MGST1: variants seen among roughly 807,000 people sequenced by gnomAD.
MGST1 encodes glutathione S-transferase 12.
In MGST1, 5 loss-of-function variants were observed where a neutral mutation model predicts 8.9. That is an observed-to-expected ratio of 0.56 (90% CI 0.29 to 1.19). The LOEUF is 1.19. MGST1 is among the 50% of genes most tolerant of loss of function. MGST1 has a pLI of 0.08. For synonymous variants in MGST1, 54 were observed against 67.8 expected (o/e 0.80, Z 1.00); for missense variants, 182 against 187.4 (o/e 0.97, Z 0.17).
chr12:16,540,345 T>C (rs1404874986), intron 4 of MGST1, among the ~76,000 whole-genome samples: 1 of 152,184 alleles, frequency 6.6e-6, no homozygotes, highest in Non-Finnish European at 1.5e-5. Flanking sequence ...TGATCATGGC[T>C]CACTGAAGCC....
chr12:16,395,792 TATATATATATATAC>T (rs1273680708), intron 1 of MGST1, among the ~76,000 whole-genome samples: 1 of 124,586 alleles, frequency 8.0e-6, no homozygotes, highest in African/African-American at 3.3e-5. Flanking sequence ...TATATATATA[TATATATATATATAC>T]ACACACACAC....
At chr12:16,510,373 A>G (rs527817234) in intron 4 of MGST1, among the ~76,000 whole-genome samples, 1 of 152,256 alleles carries the variant, frequency 6.6e-6, no homozygotes, top group East Asian at 1.9e-4. Context: ...TTTTCCTCAC[A>G]AACTTTGCCA....
intron 1 of MGST1, among the ~76,000 whole-genome samples, chr12:16,420,605 A>G (rs959104386): frequency 1.3e-5 from 2 of 152,158 alleles, no homozygotes; most frequent in Admixed American, 6.5e-5. Context: ...AATCACAACA[A>G]AGGCTCCTCA....
intron 1 of MGST1, among the ~76,000 whole-genome samples, chr12:16,351,588 T>G (rs1245430961): frequency 6.6e-6 from 1 of 152,062 alleles, no homozygotes; most frequent in Admixed American, 6.6e-5. Flanking sequence ...GGCGGGTGGA[T>G]CACCTGAGGT....
Position 16,410,026 on chromosome 12 carries a change from T to G in MGST1, n.778+26422T>G, listed in dbSNP as rs1340738365. On this transcript the variant is annotated intron_variant and non_coding_transcript_variant, in intron 1 of 1. Transcript: ENST00000359720. The surrounding 1 kb of genome is among the most constrained non-coding windows in gnomAD (Gnocchi z 4.4). ...TTCTCAGCGCCAAAGTAAATTTTCT[T>G]GTATCCTGGGAAGTGAGTGGGGTAG... Among the ~76,000 whole-genome samples the G allele has an allele frequency of 1.3e-5, 2 of 152,172 alleles. No individual in the cohort carries two copies. Among genetic ancestry groups the G allele is most frequent in the African/African-American group, 2.4e-5 (1 of 41,444 alleles).
At chr12:16,416,328 T>C (rs1288327943) in intron 1 of MGST1, among the ~76,000 whole-genome samples, 1 of 152,212 alleles carries the variant, frequency 6.6e-6, no homozygotes, top group East Asian at 1.9e-4. Context: ...AAGGGTCAGA[T>C]TCAGCCTTCA....
chr12:16,564,245 C>A (rs780883806), intron 4 of MGST1, among the ~76,000 whole-genome samples: 3 of 152,164 alleles, frequency 2.0e-5, no homozygotes, highest in African/African-American at 4.8e-5. Flanking sequence ...ATTACACCTG[C>A]CACACTGTAG....
intron 3 of MGST1, among the ~76,000 whole-genome samples, chr12:16,375,497 T>G (rs1046495896): frequency 1.5e-4 from 23 of 152,058 alleles, no homozygotes; most frequent in Admixed American, 1.5e-3. Flanking sequence ...TGATTAAACA[T>G]AAATGGTAGG....
chr12:16,381,993 C>T (rs1940457355), downstream of MGST1, among the ~76,000 whole-genome samples: 1 of 152,168 alleles, frequency 6.6e-6, no homozygotes, highest in African/African-American at 2.4e-5. Context: ...TCCATCAGGT[C>T]CTTTAAGTAC....
chr12:16,394,390 TTC>T (rs1163399419), intron 1 of MGST1, among the ~76,000 whole-genome samples: 1 of 151,712 alleles, frequency 6.6e-6, no homozygotes, highest in Non-Finnish European at 1.5e-5. Flanking sequence ...TTCTTTTTCT[TTC>T]TCTCTCTTTC....
At chr12:16,434,364 A>C (rs1940965047) in intron 1 of MGST1, among the ~76,000 whole-genome samples, 1 of 152,066 alleles carries the variant, frequency 6.6e-6, no homozygotes, top group African/African-American at 2.4e-5. Context: ...AAGATTAAAC[A>C]ACGGAAATTT....
intron 1 of MGST1, among the ~76,000 whole-genome samples, chr12:16,424,740 ACTC>A (rs1407400596): frequency 6.6e-6 from 1 of 152,060 alleles, no homozygotes; most frequent in Non-Finnish European, 1.5e-5. Context: ...CACAAGTTGA[ACTC>A]CTCACCATTT....
intron 4 of MGST1, among the ~76,000 whole-genome samples, chr12:16,492,930 C>A (rs1941448777): frequency 6.6e-6 from 1 of 152,118 alleles, no homozygotes; most frequent in Admixed American, 6.6e-5. Flanking sequence ...GAAGGAACAC[C>A]TTCTGGGCCC....
chr12:16,535,973 T>C (rs916422242), intron 4 of MGST1, among the ~76,000 whole-genome samples: 1 of 152,092 alleles, frequency 6.6e-6, no homozygotes, highest in African/African-American at 2.4e-5. Flanking sequence ...ACACAAAGGA[T>C]TTAGGCTTGA....
Position 16,513,405 on chromosome 12 carries a change from G to A in MGST1, n.483-76123G>A, listed in dbSNP as rs1941589107. On this transcript the variant is annotated intron_variant and non_coding_transcript_variant, in intron 4 of 4. Coordinates refer to the MGST1 transcript ENST00000538857. The surrounding 1 kb of genome is among the most constrained non-coding windows in gnomAD (Gnocchi z 4.2). ...CTACCGTCCACCATGGCTCCTCTGCGCTCCAGCTGCGTCGTCTCCGGGATC... is the reference window on the plus strand; with the variant it reads ...CTACCGTCCACCATGGCTCCTCTGCACTCCAGCTGCGTCGTCTCCGGGATC... The A allele has an allele frequency of 5.2e-6, 2 of 384,728 alleles. No individual in the cohort carries two copies. Among genetic ancestry groups the A allele is most frequent in the Non-Finnish European group, 1.0e-5 (2 of 197,916 alleles). The allele number at this position is 384,728 out of a possible 1,614,324, so 23.8% of individuals were successfully genotyped here.
rs540880471 is a variant in MGST1 at position 16,466,312 on chromosome 12, C to T, written n.482+82708C>T. Among the ~76,000 whole-genome samples the T allele has an allele frequency of 4.1e-3, 627 of 152,260 alleles. 4 individuals carry two copies. Among genetic ancestry groups the T allele is most frequent in the Middle Eastern group, 0.01 (3 of 294 alleles). On this transcript the variant is annotated intron_variant and non_coding_transcript_variant, in intron 4 of 4. Transcript: ENST00000538857. ...TGTGAAAGGTTCAGGAGCTTCACCCCACCATCCCTCTCTCAGGATTCTGAA... is the reference window on the plus strand; with the variant it reads ...TGTGAAAGGTTCAGGAGCTTCACCCTACCATCCCTCTCTCAGGATTCTGAA...
At chr12:16,414,462 C>A in intron 1 of MGST1, among the ~76,000 whole-genome samples, 1 of 147,052 alleles carries the variant, frequency 6.8e-6, no homozygotes. Context: ...GTTGCCCAGG[C>A]TGGAGTGCAG....
intron 4 of MGST1, among the ~76,000 whole-genome samples, chr12:16,527,603 G>T (rs1034912372): frequency 2.0e-5 from 3 of 151,850 alleles, no homozygotes; most frequent in Non-Finnish European, 4.4e-5. Context: ...GGTATAAAAG[G>T]TATGTCTTAT....
intron 4 of MGST1, among the ~76,000 whole-genome samples, chr12:16,572,483 T>A (rs1228796723): frequency 6.7e-6 from 1 of 150,008 alleles, no homozygotes; most frequent in Non-Finnish European, 1.5e-5. Flanking sequence ...CCTTTAGGAC[T>A]TATTATTTGA....
Sources: gnomAD v4.1 joint callset for allele counts (sites outside exome capture counted in the v4.1 genomes callset) on GRCh38, gnomAD v4.1.1 for gene constraint, Gnocchi (gnomAD v3.1) non-coding constraint, MANE v1.5 for transcripts, NCBI Gene and HGNC (gene_info 2026-07-23, HGNC 2026-07-21) for gene names.